RBMS3: variants seen among roughly 807,000 people sequenced by gnomAD.
RBMS3 encodes RNA binding motif single stranded interacting protein 3.
RBMS3 carries 27 observed loss-of-function variants against 66.8 expected under a neutral mutation model. That is an observed-to-expected ratio of 0.40 (90% CI 0.30 to 0.56). The LOEUF is 0.56. RBMS3 is among the 20% of genes least tolerant of loss of function. RBMS3 has a pLI of 0.40. For synonymous variants in RBMS3, 188 were observed against 183.0 expected (o/e 1.03, Z -0.22); for missense variants, 513 against 549.5 (o/e 0.93, Z 0.66).
chr3:29,905,019 A>G (rs1387488104), intron 10 of RBMS3, among the ~76,000 whole-genome samples: 2 of 151,994 alleles, frequency 1.3e-5, no homozygotes, highest in East Asian at 3.9e-4. Context: ...TTTGGTATTT[A>G]TGTATTCAAA....
At chr3:29,851,893 A>G (rs1238833707) in intron 6 of RBMS3, among the ~76,000 whole-genome samples, 2 of 152,160 alleles carry the variant, frequency 1.3e-5, no homozygotes, top group Non-Finnish European at 2.9e-5. Flanking sequence ...AGCAAAAAGA[A>G]CAAAGTGGAG....
rs1638396643 is a variant in RBMS3, at chr3:30,008,974, G to T, written c.*5112G>T. 6.6e-6 allele frequency: 1 copy of T among 152,028 alleles called. No homozygotes were observed. Among genetic ancestry groups the T allele is most frequent in the Non-Finnish European group, 1.5e-5 (1 of 67,978 alleles). 9.4% of individuals were successfully genotyped at this position (152,028 alleles called of 1,614,324 possible). A position where few individuals can be genotyped will look rare whatever the true frequency, so the allele number is the denominator to read the frequency against. ...CATTGGCTTTATACTCTAACATATAGATACTCTCTATAGCAAAAAAGGGAT... is the reference window on the plus strand; with the variant it reads ...CATTGGCTTTATACTCTAACATATATATACTCTCTATAGCAAAAAAGGGAT... On this transcript the variant is annotated 3_prime_UTR_variant, in exon 15 of 15. Transcript: ENST00000383767.
chr3:29,474,137 C>T (rs1446078508), intron 2 of RBMS3, among the ~76,000 whole-genome samples: 3 of 152,374 alleles, frequency 2.0e-5, no homozygotes, highest in Middle Eastern at 3.4e-3. Flanking sequence ...AGGATAACCA[C>T]GATCCTGACT....
At chr3:29,716,080 G>A (rs2053380405) in intron 4 of RBMS3, among the ~76,000 whole-genome samples, 1 of 152,052 alleles carries the variant, frequency 6.6e-6, no homozygotes, top group Admixed American at 6.6e-5. Flanking sequence ...TAAGAAGATG[G>A]GTCACACTAC....
chr3:29,590,783 G>T (rs888670791), intron 4 of RBMS3, among the ~76,000 whole-genome samples: 9 of 152,052 alleles, frequency 5.9e-5, no homozygotes, highest in Non-Finnish European at 1.2e-4. Flanking sequence ...ATTTTACTCA[G>T]TAGGAAGAAG....
chr3:29,954,310 CT>C (rs1695881281), intron 12 of RBMS3, among the ~76,000 whole-genome samples: 1 of 151,900 alleles, frequency 6.6e-6, no homozygotes, highest in Non-Finnish European at 1.5e-5. Flanking sequence ...TAGATATCCC[CT>C]ATCCACTCTT....
chr3:29,482,189 GT>G (rs1197594638), intron 2 of RBMS3, among the ~76,000 whole-genome samples: 1 of 152,180 alleles, frequency 6.6e-6, no homozygotes, highest in African/African-American at 2.4e-5. Flanking sequence ...GACTCTATTG[GT>G]ATGGAAATCC....
chr3:29,907,698 T>A (rs953995347), intron 10 of RBMS3, among the ~76,000 whole-genome samples: 2 of 152,232 alleles, frequency 1.3e-5, no homozygotes, highest in Non-Finnish European at 2.9e-5. Context: ...AAGCTATTTT[T>A]GTCAGGTTTG....
chr3:29,782,259 G>T (rs2056662624), intron 6 of RBMS3, among the ~76,000 whole-genome samples: 1 of 152,078 alleles, frequency 6.6e-6, no homozygotes, highest in Admixed American at 6.5e-5. Flanking sequence ...ACACAAGCAA[G>T]GACCCTCACA....
chr3:29,989,729 A>G (rs1381863151), intron 13 of RBMS3, among the ~76,000 whole-genome samples: 2 of 152,242 alleles, frequency 1.3e-5, no homozygotes, highest in Non-Finnish European at 2.9e-5. Context: ...GTCTCAAAGA[A>G]TGTGTCATCT....
At chr3:29,495,766 G>A (rs1451463947) in intron 3 of RBMS3, among the ~76,000 whole-genome samples, 2 of 152,004 alleles carry the variant, frequency 1.3e-5, no homozygotes, top group South Asian at 4.1e-4. Context: ...AAGGAGGGCA[G>A]GATATTATAT....
intron 4 of RBMS3, among the ~76,000 whole-genome samples, chr3:29,656,610 C>T (rs987158425): frequency 1.3e-5 from 2 of 152,138 alleles, no homozygotes; most frequent in Non-Finnish European, 2.9e-5. Flanking sequence ...GCAAAACCCT[C>T]ACAATGTGAG....
At chr3:29,704,578 A>G (rs538352100) in intron 4 of RBMS3, among the ~76,000 whole-genome samples, 2 of 152,344 alleles carry the variant, frequency 1.3e-5, no homozygotes, top group African/African-American at 4.8e-5. Context: ...TGCCTGTTTT[A>G]TAGGATTATT....
At chr3:29,796,336 T>A (rs1215030407) in intron 6 of RBMS3, among the ~76,000 whole-genome samples, 2 of 152,190 alleles carry the variant, frequency 1.3e-5, no homozygotes, top group African/African-American at 4.8e-5. Flanking sequence ...CACTGAAGTC[T>A]TGAACCCTTT....
intron 7 of RBMS3, among the ~76,000 whole-genome samples, chr3:29,874,851 T>C (rs1032386410): frequency 3.3e-5 from 5 of 152,212 alleles, no homozygotes; most frequent in African/African-American, 1.2e-4. Flanking sequence ...TAACCTATGA[T>C]CACTAAGGAT....
intron 4 of RBMS3, among the ~76,000 whole-genome samples, chr3:29,709,246 T>C (rs1289370207): frequency 1.3e-5 from 2 of 152,186 alleles, no homozygotes; most frequent in African/African-American, 4.8e-5. Context: ...ATTCTTGTAC[T>C]TGATTGCTTG....
At chr3:29,809,775 T>G (rs2057674956) in intron 6 of RBMS3, among the ~76,000 whole-genome samples, 1 of 152,028 alleles carries the variant, frequency 6.6e-6, no homozygotes, top group South Asian at 2.1e-4. Flanking sequence ...AGACTGATAT[T>G]TCCTGTGAAG....
chr3:29,899,844 G>A (rs2060212369), intron 10 of RBMS3, 89 bp downstream of exon 10: 2 of 1,282,530 alleles, frequency 1.6e-6, no homozygotes, highest in African/African-American at 3.0e-5. Flanking sequence ...TAAAGCTTTT[G>A]TTATAATATG....
intron 10 of RBMS3, among the ~76,000 whole-genome samples, chr3:29,905,177 A>G (rs1258232875): frequency 1.3e-5 from 2 of 152,052 alleles, no homozygotes; most frequent in South Asian, 4.1e-4. Flanking sequence ...TAGACAATAC[A>G]TAATGAATGG....
Sources: gnomAD v4.1 joint callset for allele counts (sites outside exome capture counted in the v4.1 genomes callset) on GRCh38, gnomAD v4.1.1 for gene constraint, MANE v1.5 for transcripts, NCBI Gene and HGNC (gene_info 2026-07-23, HGNC 2026-07-21) for gene names.